KLHL10: variants seen among roughly 807,000 people sequenced by gnomAD.
KLHL10 encodes the protein kelch like family member 10, also known as kelch-like protein 10.
Under a neutral mutation model 46.6 loss-of-function variants are expected in KLHL10, and 11 were observed. The observed-to-expected ratio is 0.24, with a 90% CI of 0.15 to 0.39. The LOEUF (loss-of-function observed/expected upper bound fraction) is 0.39, where lower values mean the gene tolerates loss of function less well. Among genes scored for constraint, KLHL10 ranks in the 10% least tolerant of loss-of-function variants. KLHL10 has a pLI of 1.00. For synonymous variants in KLHL10, 254 were observed against 279.1 expected, an observed-to-expected ratio of 0.91 and a Z score of 0.90; for missense variants, 475 against 789.8, an observed-to-expected ratio of 0.60 and a Z score of 4.78.
In KLHL10 at chr17:41,837,852, G is replaced by A; in HGVS notation, c.-81G>A. ...ACAAAAGATGTAGTAGGGAAAAGGAGCGACAGCTGGCTAAAGGGGCCCCCC... is the reference window on the plus strand; with the variant it reads ...ACAAAAGATGTAGTAGGGAAAAGGAACGACAGCTGGCTAAAGGGGCCCCCC... On this transcript the variant is annotated 5_prime_UTR_variant, in exon 1 of 5. Transcript: ENST00000293303. The A allele has an allele frequency of 6.2e-7, 1 of 1,601,384 alleles. No homozygotes were observed. Among genetic ancestry groups the A allele is most frequent in the South Asian group, 1.1e-5 (1 of 90,216 alleles).
Position 41,845,693 on chromosome 17 carries a change from C to T in KLHL10, c.1252C>T (p.Pro418Ser), listed in dbSNP as rs1279209884. The change falls in exon 3 of 5, where the codon CCC becomes TCC. Residue 418 changes from proline (P) to serine (S), a missense_variant. Physicochemically the swap from Pro to Ser is moderately conservative, Grantham distance 74 (BLOSUM62 -1). Transcript: ENST00000293303. ...PETNQWTLIAPMHEQRSDASA... is the reference protein window; with the variant it reads ...PETNQWTLIASMHEQRSDASA... ...GACCAATCAATGGACACTCATCGCC[C>T]CCATGCACGAACAGAGGAGTGATGC... 2.5e-6 allele frequency: 4 copies of T among 1,612,682 alleles called. No individual in the cohort carries two copies. In the South Asian group the frequency reaches 3.3e-5, roughly 13 times the overall value.
In KLHL10 at chr17:41,838,143, A is replaced by C; in HGVS notation, c.194+17A>C. ...CTACTTTAGGTATAACAGGGTTGCC[A>C]AATTCAGCCAAAGGGGTAATTGGGC... is the stretch of plus-strand genomic sequence containing the variant. On this transcript the variant is annotated intron_variant, in intron 1 of 4. Transcript: ENST00000293303. The C allele has an allele frequency of 6.2e-7, 1 of 1,603,840 alleles. No individual in the cohort carries two copies. Among genetic ancestry groups the C allele is most frequent in the South Asian group, 1.1e-5 (1 of 90,880 alleles).
rs2048182612 is a variant in KLHL10, at chr17:41,837,883, C to T, written c.-50C>T. ...GCTGGCTAAAGGGGCCCCCCACAAC[C>T]CTCCCCGACACCCTAGGAAAGCAGC... On this transcript the variant is annotated 5_prime_UTR_variant, in exon 1 of 5. Transcript: ENST00000293303. 2 of 1,610,660 alleles carry T rather than the reference C, an allele frequency of 1.2e-6. No homozygotes were observed. Among genetic ancestry groups the T allele is most frequent in the African/African-American group, 1.3e-5 (1 of 74,944 alleles).
In KLHL10 at chr17:41,848,302, G is replaced by C; in HGVS notation, c.1822G>C (p.Val608Leu). 1 of 1,608,466 alleles carries C rather than the reference G, an allele frequency of 6.2e-7. No homozygotes were observed. Among genetic ancestry groups the C allele is most frequent in the Non-Finnish European group, 8.5e-7 (1 of 1,179,726 alleles). Residue 608 changes from valine (V) to leucine (L), a missense_variant, in exon 5 of 5, where the codon GTA becomes CTA. Physicochemically the swap from Val to Leu is conservative, Grantham distance 32. Coordinates refer to ENST00000293303, the MANE Select transcript of KLHL10 (RefSeq NM_152467.5). ...KYSASTSTLP[V>L] ...TTCTGCTTCGACAAGTACCCTACCT[G>C]TATGAGCCTCTTCATTTAGCTAATA...
chr17:41,846,445 T>C (rs1368761966), intron 3 of KLHL10, among the ~76,000 whole-genome samples: 1 of 150,796 alleles, frequency 6.6e-6, no homozygotes, highest in Non-Finnish European at 1.5e-5. Flanking sequence ...CACTTGAACC[T>C]AGGAGGCGGA....
upstream of KLHL10, chr17:41,836,569 T>C: frequency 1.9e-6 from 1 of 525,766 alleles, no homozygotes; most frequent in Non-Finnish European, 2.4e-6. Flanking sequence ...ATACCTGTAA[T>C]CCCAGGACTT....
At chr17:41,841,365 A>G (rs1441969773) in intron 1 of KLHL10, among the ~76,000 whole-genome samples, 6 of 150,826 alleles carry the variant, frequency 4.0e-5, no homozygotes, top group African/African-American at 1.5e-4. Context: ...CCCAGGCTGG[A>G]GTGTAGTGTC....
intron 2 of KLHL10, among the ~76,000 whole-genome samples, chr17:41,844,588 GC>G (rs2048263734): frequency 7.2e-6 from 1 of 138,678 alleles, no homozygotes; most frequent in South Asian, 2.2e-4. Flanking sequence ...TTGCTCTGTG[GC>G]CCAGGCTGGA....
intron 1 of KLHL10, among the ~76,000 whole-genome samples, chr17:41,840,522 A>AT (rs1225186285): frequency 2.7e-5 from 4 of 150,332 alleles, no homozygotes; most frequent in African/African-American, 7.3e-5. Context: ...GTGGGCACCT[A>AT]TAATCCCAGC....
At position 41,837,924 on chromosome 17, in the gene KLHL10, C is replaced by G; in HGVS notation, c.-9C>G. 1 of 1,613,518 alleles carries G rather than the reference C, an allele frequency of 6.2e-7. No individual in the cohort carries two copies. Among genetic ancestry groups the G allele is most frequent in the Non-Finnish European group, 8.5e-7 (1 of 1,180,000 alleles). On this transcript the variant is annotated 5_prime_UTR_variant, in exon 1 of 5. Coordinates refer to ENST00000293303, the MANE Select transcript of KLHL10 (RefSeq NM_152467.5). ...GGAAAGCAGCCTCTCTCCGCTGTCC[C>G]AGGGTGCCATGGAGATGGAGAGCGC...
At chr17:41,841,160 G>GA (rs2048222500) in intron 1 of KLHL10, among the ~76,000 whole-genome samples, 1 of 151,104 alleles carries the variant, frequency 6.6e-6, no homozygotes, top group Non-Finnish European at 1.5e-5. Flanking sequence ...AAGAAAAAAA[G>GA]AAAAGAAAAC....
At chr17:41,836,015 C>A, upstream of KLHL10, 1 of 1,468,516 alleles carries the variant, frequency 6.8e-7, no homozygotes, top group Admixed American at 2.6e-5. Context: ...CCGAGGGGAG[C>A]CCGGGGCTCG....
chr17:41,838,656 T>TTTTG (rs1555620447), intron 1 of KLHL10, among the ~76,000 whole-genome samples: 1 of 9,640 alleles, frequency 1.0e-4, no homozygotes, highest in Non-Finnish European at 2.5e-4. Context: ...GTTTGTTTTG[T>TTTTG]TTTTTTTTTT....
At chr17:41,841,530 G>T (rs532455018) in intron 1 of KLHL10, among the ~76,000 whole-genome samples, 1 of 152,282 alleles carries the variant, frequency 6.6e-6, no homozygotes, top group Admixed American at 6.5e-5. Flanking sequence ...GGCCAGGCTG[G>T]TCTTGAACTC....
At chr17:41,835,817 G>A (rs2048142346), upstream of KLHL10, 2 of 1,550,502 alleles carry the variant, frequency 1.3e-6, no homozygotes, top group Non-Finnish European at 1.8e-6. Flanking sequence ...AGCCTCTCCA[G>A]CCGCCCCCAG....
At chr17:41,836,540 G>A, upstream of KLHL10, 1 of 841,746 alleles carries the variant, frequency 1.2e-6, no homozygotes, top group African/African-American at 1.8e-5. Context: ...AACATGACTG[G>A]GGCTGGGCGC....
In KLHL10 at chr17:41,845,752, C is replaced by A; in HGVS notation, c.1302+9C>A. The A allele has an allele frequency of 6.2e-7, 1 of 1,613,778 alleles. No individual in the cohort carries two copies. Among genetic ancestry groups the A allele is most frequent in the Non-Finnish European group, 8.5e-7 (1 of 1,179,964 alleles). On this transcript the variant is annotated intron_variant, in intron 3 of 4. Coordinates refer to ENST00000293303, the MANE Select transcript of KLHL10 (RefSeq NM_152467.5). Reference sequence around the variant, plus strand: ...CAACACTTTATGGGAAGGTAAAGGACCAGGGTGGGAGGGGAAGATGTGGAT... The same window carrying A: ...CAACACTTTATGGGAAGGTAAAGGAACAGGGTGGGAGGGGAAGATGTGGAT...
chr17:41,837,434 G>A (rs2048176222), upstream of KLHL10: 3 of 379,876 alleles, frequency 7.9e-6, no homozygotes, highest in Non-Finnish European at 1.1e-5. Context: ...TTACAGGTGT[G>A]AGCCACTGCG....
upstream of KLHL10, chr17:41,837,402 A>T: frequency 4.9e-6 from 1 of 202,702 alleles, no homozygotes; most frequent in Non-Finnish European, 8.9e-6. Context: ...TGACCTTGTG[A>T]TCCATCCACC....
Sources: gnomAD v4.1 joint callset for allele counts (sites outside exome capture counted in the v4.1 genomes callset) on GRCh38, gnomAD v4.1.1 for gene constraint, MANE v1.5 for transcripts, NCBI Gene and HGNC (gene_info 2026-07-23, HGNC 2026-07-21) for gene names.